GUCY1A2: variants seen among roughly 807,000 people sequenced by gnomAD.
The protein encoded by GUCY1A2 is guanylate cyclase soluble subunit alpha-2.
A neutral mutation model predicts 63.5 loss-of-function variants in GUCY1A2; 27 were observed. That is an observed-to-expected ratio of 0.43 (90% CI 0.31 to 0.59). The LOEUF (loss-of-function observed/expected upper bound fraction) is 0.59. GUCY1A2 is among the 20% of genes least tolerant of loss of function. The probability of loss-of-function intolerance (pLI) is 0.11; values close to 1 mark genes in which losing one functional copy is unlikely to be tolerated. For missense variants in GUCY1A2, 768 were observed against 913.3 expected (o/e 0.84, Z 2.05); for synonymous variants, 364 against 343.5 (o/e 1.06, Z -0.66).
At chr11:106,959,132 T>A (rs746227007) in intron 3 of GUCY1A2, among the ~76,000 whole-genome samples, 3 of 152,184 alleles carry the variant, frequency 2.0e-5, no homozygotes, top group Non-Finnish European at 4.4e-5. Flanking sequence ...CACTGAGCTA[T>A]GTTTGTCATT....
rs142335668 is a variant in GUCY1A2, at chr11:106,944,951, A to G, written c.488-4773T>C. On this transcript the variant is annotated intron_variant, in intron 3 of 7. Coordinates refer to ENST00000526355, the MANE Select transcript of GUCY1A2 (RefSeq NM_000855.3). ...TTCCATAAACATATTTAGAGGAACA[A>G]CCTCTAAAAACACTATAATGTAGAA... is the stretch of plus-strand genomic sequence containing the variant. Among the ~76,000 whole-genome samples, 23 of 152,296 alleles carry G rather than the reference A, an allele frequency of 1.5e-4. No homozygotes were observed. In the East Asian group the frequency reaches 4.2e-3, roughly 28 times the overall value.
In GUCY1A2 at chr11:106,746,788, T is replaced by TA. The variant is rs1170670405; in HGVS notation, c.1836+29650dup. On this transcript the variant is annotated intron_variant, in intron 6 of 7. Transcript: ENST00000526355. ...ACTGAGGTTGACATTGGTGGTACAA[T>TA]AAAAAAATTATCTGGCATAGGAAGC... 1.5e-5 allele frequency: 8 copies of TA among 523,928 alleles called. No homozygotes were observed. In the East Asian group the frequency reaches 1.6e-4, roughly 10 times the overall value. 32.5% of individuals were successfully genotyped at this position (523,928 alleles called of 1,614,324 possible).
At chr11:106,824,084 C>G (rs1330543000) in intron 4 of GUCY1A2, 2 of 1,494,416 alleles carry the variant, frequency 1.3e-6, no homozygotes, top group African/African-American at 1.4e-5. Flanking sequence ...CTTATGCTAC[C>G]ATTTCTTATT....
intron 4 of GUCY1A2, among the ~76,000 whole-genome samples, chr11:106,909,915 G>A (rs941103090): frequency 3.3e-5 from 5 of 151,862 alleles, no homozygotes; most frequent in African/African-American, 9.7e-5. Context: ...ACAACTTTGT[G>A]GGCACATTCA....
intron 4 of GUCY1A2, among the ~76,000 whole-genome samples, chr11:106,877,131 C>G (rs1379581258): frequency 6.6e-6 from 1 of 152,050 alleles, no homozygotes; most frequent in African/African-American, 2.4e-5. Context: ...AGCTTGACTA[C>G]TGTTGTACAG....
intron 6 of GUCY1A2, among the ~76,000 whole-genome samples, chr11:106,731,062 T>G (rs1021671605): frequency 6.6e-6 from 1 of 152,314 alleles, no homozygotes; most frequent in South Asian, 2.1e-4. Flanking sequence ...TTTACTCTCC[T>G]GATAGTTTCT....
intron 4 of GUCY1A2, among the ~76,000 whole-genome samples, chr11:106,912,327 T>C (rs1178663702): frequency 6.6e-6 from 1 of 152,046 alleles, no homozygotes; most frequent in Non-Finnish European, 1.5e-5. Context: ...TCAAAATACT[T>C]GTTGAGCCAT....
intron 4 of GUCY1A2, among the ~76,000 whole-genome samples, chr11:106,855,130 C>G (rs1045786799): frequency 3.3e-5 from 5 of 152,008 alleles, no homozygotes; most frequent in Non-Finnish European, 7.4e-5. Context: ...GCTTTGGTCT[C>G]GGGGAGTGAG....
intron 6 of GUCY1A2, among the ~76,000 whole-genome samples, chr11:106,748,027 T>C (rs1303843950): frequency 6.6e-6 from 1 of 152,196 alleles, no homozygotes; most frequent in East Asian, 1.9e-4. Flanking sequence ...AGAAACTTGA[T>C]GGGATTTCCC....
At chr11:106,838,274 C>G (rs1859143863) in intron 4 of GUCY1A2, among the ~76,000 whole-genome samples, 2 of 151,920 alleles carry the variant, frequency 1.3e-5, no homozygotes, top group African/African-American at 4.8e-5. Flanking sequence ...TTTTTCAAAG[C>G]AGGATCTGTT....
At position 106,833,806 on chromosome 11, in the gene GUCY1A2, C is replaced by T. The variant is rs535284430; in HGVS notation, c.1207-23328G>A. On this transcript the variant is annotated intron_variant, in intron 4 of 7. Transcript: ENST00000526355. ...TTTAATGAGTCAATTCTCTACTTTCCCTTCAATTTTCCATTACAAAGCATA... is the reference window on the plus strand; with the variant it reads ...TTTAATGAGTCAATTCTCTACTTTCTCTTCAATTTTCCATTACAAAGCATA... 7.3e-4 allele frequency among the ~76,000 whole-genome samples: 111 copies of T among 152,000 alleles called. No homozygotes were observed. In the Middle Eastern group the frequency reaches 0.017, roughly 23 times the overall value.
chr11:106,868,467 C>G (rs1359538600), intron 4 of GUCY1A2, among the ~76,000 whole-genome samples: 1 of 151,984 alleles, frequency 6.6e-6, no homozygotes, highest in African/African-American at 2.4e-5. Flanking sequence ...CAATAACAGA[C>G]AAACAGAGAG....
intron 4 of GUCY1A2, among the ~76,000 whole-genome samples, chr11:106,907,776 G>A (rs1355915863): frequency 1.3e-5 from 2 of 152,076 alleles, no homozygotes; most frequent in Non-Finnish European, 2.9e-5. Context: ...TGGTGTATAT[G>A]TGCCACATTT....
chr11:106,766,217 A>C (rs1414844504), intron 6 of GUCY1A2, among the ~76,000 whole-genome samples: 1 of 152,148 alleles, frequency 6.6e-6, no homozygotes, highest in African/African-American at 2.4e-5. Context: ...CCAGTGTCTC[A>C]AAAATTCAAT....
intron 6 of GUCY1A2, among the ~76,000 whole-genome samples, chr11:106,773,191 A>C (rs11211909): frequency 6.6e-6 from 1 of 151,172 alleles, no homozygotes; most frequent in East Asian, 1.9e-4. Flanking sequence ...CATTCCTTTT[A>C]TTTTTTACAC....
intron 4 of GUCY1A2, among the ~76,000 whole-genome samples, chr11:106,874,385 G>A (rs905957851): frequency 6.6e-6 from 1 of 152,086 alleles, no homozygotes. Flanking sequence ...ACAGTAGTCT[G>A]ATAATAATTA....
rs1330017372 is a variant in GUCY1A2, at chr11:106,775,569, AT to A, written c.1836+869del. On this transcript the variant is annotated intron_variant, in intron 6 of 7. Transcript: ENST00000526355. ...AAGTGCCTAATAGTTTTTTAAAAAT[AT>A]TTTTTAATATATTTAACCCAATATT... 3.3e-5 allele frequency among the ~76,000 whole-genome samples: 5 copies of A among 151,562 alleles called. No homozygotes were observed. In the South Asian group the frequency reaches 6.2e-4, roughly 19 times the overall value.
chr11:106,779,157 C>G (rs548308796), intron 5 of GUCY1A2, among the ~76,000 whole-genome samples: 2 of 152,230 alleles, frequency 1.3e-5, no homozygotes, highest in South Asian at 4.1e-4. Context: ...AAAACTGATT[C>G]AAATACCCCC....
intron 7 of GUCY1A2, among the ~76,000 whole-genome samples, chr11:106,694,837 G>A (rs1278609689): frequency 6.6e-6 from 1 of 152,100 alleles, no homozygotes; most frequent in Non-Finnish European, 1.5e-5. Context: ...ATCCAGCTTA[G>A]AACCTGATTT....
Sources: gnomAD v4.1 joint callset for allele counts (sites outside exome capture counted in the v4.1 genomes callset) on GRCh38, gnomAD v4.1.1 for gene constraint, MANE v1.5 for transcripts, NCBI Gene and HGNC (gene_info 2026-07-23, HGNC 2026-07-21) for gene names.